Variants in AP2S1 observed in about 807,000 individuals in gnomAD.
AP2S1 encodes the protein AP-2 complex subunit sigma.
Under a neutral mutation model 21.0 loss-of-function variants are expected in AP2S1, and 6 were observed. The observed-to-expected ratio is 0.29, with a 90% confidence interval of 0.16 to 0.56. AP2S1 has a LOEUF of 0.56. AP2S1 is among the 20% of genes least tolerant of loss of function. AP2S1 has a pLI of 0.92. For synonymous variants in AP2S1, 63 were observed against 74.6 expected (o/e 0.84, Z 0.80); for missense variants, 60 against 186.2 (o/e 0.32, Z 3.95).
At position 46,840,720 on chromosome 19, in the gene AP2S1, A is replaced by ATTTTTTTTT. The variant is rs781138883; in HGVS notation, c.154-1151_154-1143dup. On this transcript the variant is annotated intron_variant, in intron 2 of 4. Transcript: ENST00000263270. The stretch of plus-strand genomic sequence containing the variant: ...ATGAGTGCCAGCATCAGTCTTCGGC[A>ATTTTTTTTT]TTTTTTTTTTTTTTTTTTTTTGAGT... Among the ~76,000 whole-genome samples the ATTTTTTTTT allele has an allele frequency of 8.1e-5, 9 of 110,720 alleles. 1 individual carries two copies. Among genetic ancestry groups the ATTTTTTTTT allele is most frequent in the African/African-American group, 2.2e-4 (6 of 27,076 alleles). 72.6% of individuals were successfully genotyped at this position (110,720 alleles called of 152,430 possible).
intron 2 of AP2S1, 160 bp downstream of exon 2, chr19:46,845,833 T>G: frequency 1.2e-6 from 1 of 862,746 alleles, no homozygotes; most frequent in South Asian, 1.8e-5. Flanking sequence ...AAAGTACAAG[T>G]AAAGGAAGGG....
At chr19:46,847,665 C>T (rs1035215362) in intron 1 of AP2S1, among the ~76,000 whole-genome samples, 5 of 152,248 alleles carry the variant, frequency 3.3e-5, no homozygotes, top group African/African-American at 1.2e-4. Flanking sequence ...TGTGTCTGTT[C>T]TGGACATTGT....
chr19:46,842,151 G>A (rs1458644452), intron 2 of AP2S1, among the ~76,000 whole-genome samples: 3 of 152,106 alleles, frequency 2.0e-5, no homozygotes, highest in Middle Eastern at 3.4e-3. Flanking sequence ...ACTGCACTCC[G>A]GCCTGGGGCA....
chr19:46,846,423 C>T lies in AP2S1; in HGVS notation c.4-281G>A, dbSNP rs190548394. ...GGCCCCGAGTCCCAGGCTCCTCCAC[C>T]ACCTCTTATCTCTCTCTGTTTTTTT... On this transcript the variant is annotated intron_variant, in intron 1 of 4. Coordinates refer to ENST00000263270, the MANE Select transcript of AP2S1 (RefSeq NM_004069.6). Among the ~76,000 whole-genome samples the T allele has an allele frequency of 2.8e-4, 42 of 151,694 alleles. No homozygotes were observed. In the East Asian group the frequency reaches 7.6e-3, roughly 27 times the overall value.
chr19:46,840,993 G>A (rs553355718), intron 2 of AP2S1, among the ~76,000 whole-genome samples: 1 of 151,442 alleles, frequency 6.6e-6, no homozygotes, highest in South Asian at 2.1e-4. Context: ...TCACTCTGTC[G>A]CCCAGGCCAG....
At chr19:46,843,918 T>C (rs1397499963) in intron 2 of AP2S1, among the ~76,000 whole-genome samples, 1 of 151,646 alleles carries the variant, frequency 6.6e-6, no homozygotes, top group South Asian at 2.1e-4. Flanking sequence ...AAACAACCTT[T>C]CTTTTTTTTT....
intron 2 of AP2S1, among the ~76,000 whole-genome samples, chr19:46,841,075 T>G (rs2055512743): frequency 6.6e-6 from 1 of 152,076 alleles, no homozygotes; most frequent in Non-Finnish European, 1.5e-5. Context: ...TGCCTCAGCC[T>G]CCTGAGTAGC....
In AP2S1 at chr19:46,840,720, A is replaced by ATTTT. The variant is rs781138883; in HGVS notation, c.154-1146_154-1143dup. ...ATGAGTGCCAGCATCAGTCTTCGGC[A>ATTTT]TTTTTTTTTTTTTTTTTTTTTGAGT... On this transcript the variant is annotated intron_variant, in intron 2 of 4. Coordinates refer to ENST00000263270, the MANE Select transcript of AP2S1 (RefSeq NM_004069.6). Among the ~76,000 whole-genome samples, 104 of 110,714 alleles carry ATTTT rather than the reference A, an allele frequency of 9.4e-4. 4 individuals are homozygous for ATTTT. The highest frequency in any genetic ancestry group is 1.7e-3 in the African/African-American group (47 of 27,074). The allele number at this position is 110,714 out of a possible 152,430, so 72.6% of individuals were successfully genotyped here. A position where few individuals can be genotyped will look rare whatever the true frequency, so the allele number is the denominator to read the frequency against.
intron 2 of AP2S1, among the ~76,000 whole-genome samples, chr19:46,840,865 G>A (rs752276240): frequency 6.6e-6 from 1 of 151,388 alleles, no homozygotes; most frequent in South Asian, 2.1e-4. Context: ...TTACAGGCGC[G>A]CCACCACACC....
chr19:46,850,173 C>T (rs1285614829), intron 1 of AP2S1: 12 of 1,232,458 alleles, frequency 9.7e-6, no homozygotes, highest in Non-Finnish European at 1.2e-5. Context: ...TTCCCAGACC[C>T]TTAAGTTTCA....
chr19:46,839,679 C>T (rs1004258239), intron 2 of AP2S1, 101 bp from the exon 3 acceptor site: 18 of 1,551,904 alleles, frequency 1.2e-5, no homozygotes, highest in Admixed American at 1.1e-4. Flanking sequence ...TACGTGGTCC[C>T]GAGGCCCAGC....
chr19:46,839,521 C>T lies in AP2S1; in HGVS notation c.211G>A (p.Val71Met), dbSNP rs2055478445. ...RYAGLYFCIC[V>M]DVNDNNLAYL... ...GCCAGGTTGTTGTCATTGACATCCA[C>T]ACAGATGCAGAAGTAGAGGCCAGCA... Residue 71 changes from valine to methionine, a missense_variant, in exon 3 of 5, where the codon GTG becomes ATG. Physicochemically the swap from Val to Met is conservative, Grantham distance 21 (BLOSUM62 1). Transcript: ENST00000263270. 6.2e-7 allele frequency: 1 copy of T among 1,613,286 alleles called. No homozygotes were observed. Among genetic ancestry groups the T allele is most frequent in the Admixed American group, 1.7e-5 (1 of 59,898 alleles).
At chr19:46,845,100 G>GA (rs35651566) in intron 2 of AP2S1, among the ~76,000 whole-genome samples, 57,147 of 93,644 alleles carry the variant, frequency 0.61, 16,214 homozygotes, top group Middle Eastern at 0.78. Flanking sequence ...CTCCATTTCA[G>GA]AAAAAAAAAA....
chr19:46,843,308 C>T (rs1011492278), intron 2 of AP2S1, among the ~76,000 whole-genome samples: 1 of 152,204 alleles, frequency 6.6e-6, no homozygotes, highest in African/African-American at 2.4e-5. Flanking sequence ...TCCGAGCAGT[C>T]TCCTCTATGC....
intron 2 of AP2S1, chr19:46,845,693 T>G: frequency 4.4e-6 from 1 of 229,762 alleles, no homozygotes; most frequent in Non-Finnish European, 8.3e-6. Flanking sequence ...GCAAAAAAAA[T>G]TAATAATAAC....
At chr19:46,842,000 T>A (rs2055530530) in intron 2 of AP2S1, among the ~76,000 whole-genome samples, 1 of 152,000 alleles carries the variant, frequency 6.6e-6, no homozygotes, top group Non-Finnish European at 1.5e-5. Context: ...AGGCAACATA[T>A]CAAGACCCAT....
chr19:46,841,143 G>C (rs8112854), intron 2 of AP2S1, among the ~76,000 whole-genome samples: 34,947 of 151,754 alleles, frequency 0.23, 4,222 homozygotes, highest in Middle Eastern at 0.28. Flanking sequence ...TAGTAGAGAT[G>C]AGGTTTTACC....
At chr19:46,839,428 A>ACCCCCCCC in intron 3 of AP2S1, 37 bp downstream of exon 3, 3 of 763,396 alleles carry the variant, frequency 3.9e-6, no homozygotes, top group South Asian at 1.4e-5. Flanking sequence ...AGGGCTGCCC[A>ACCCCCCCC]CCCGCCTCCC....
In AP2S1 at chr19:46,838,753, A is replaced by G; in HGVS notation, c.314T>C (p.Phe105Ser). 1 of 1,613,348 alleles carries G rather than the reference A, an allele frequency of 6.2e-7. No individual in the cohort carries two copies. Among genetic ancestry groups the G allele is most frequent in the South Asian group, 1.1e-5 (1 of 91,008 alleles). ...CCAGGAGCCTACCTTGTAGAAGTTGAACACCAGGTCCAGTTCACAGACATT... is the reference window on the plus strand; with the variant it reads ...CCAGGAGCCTACCTTGTAGAAGTTGGACACCAGGTCCAGTTCACAGACATT... Reference protein sequence around the residue: ...FHNVCELDLVFNFYKVYTVVD... With the variant: ...FHNVCELDLVSNFYKVYTVVD... Residue 105 changes from phenylalanine (F) to serine (S), a missense_variant, in exon 4 of 5, where the codon TTC becomes TCC. Transcript: ENST00000263270. The surrounding 1 kb of genome is among the most constrained non-coding windows in gnomAD (Gnocchi z 4.1).
Sources: allele counts gnomAD v4.1 joint callset (sites outside exome capture counted in the v4.1 genomes callset), GRCh38; gene constraint gnomAD v4.1.1; non-coding constraint Gnocchi (gnomAD v3.1); transcripts MANE v1.5; gene names NCBI Gene and HGNC (gene_info 2026-07-23, HGNC 2026-07-21).